MIPOL1: variants seen among roughly 807,000 people sequenced by gnomAD.
The protein encoded by MIPOL1 is mirror-image polydactyly gene 1 protein.
Under a neutral mutation model 60.9 loss-of-function variants are expected in MIPOL1, and 57 were observed. That is an observed-to-expected ratio of 0.94 (90% CI 0.76 to 1.17). The LOEUF is 1.17. Ranked by LOEUF, MIPOL1 falls within the 50% of genes most tolerant of loss-of-function variation. The pLI is 0.00. For missense variants in MIPOL1, 551 were observed against 511.6 expected (o/e 1.08, Z -0.74); for synonymous variants, 179 against 168.8 (o/e 1.06, Z -0.47).
chr14:37,539,470 T>C (rs1206478127), intron 12 of MIPOL1, among the ~76,000 whole-genome samples: 2 of 151,828 alleles, frequency 1.3e-5, no homozygotes, highest in Admixed American at 1.3e-4. Context: ...AATTCCCAGA[T>C]TGAGAGAGAT....
intron 11 of MIPOL1, among the ~76,000 whole-genome samples, chr14:37,478,030 C>T (rs2094804889): frequency 6.6e-6 from 1 of 152,168 alleles, no homozygotes; most frequent in Admixed American, 6.5e-5. Context: ...ATCTGTAGCT[C>T]AGAAAGTCAT....
At chr14:37,304,381 A>G (rs904090649) in intron 7 of MIPOL1, among the ~76,000 whole-genome samples, 3 of 151,740 alleles carry the variant, frequency 2.0e-5, no homozygotes. Context: ...AAAGGATTCA[A>G]GTTAAAATTA....
intron 11 of MIPOL1, among the ~76,000 whole-genome samples, chr14:37,476,024 C>G (rs1594583885): frequency 1.3e-5 from 2 of 152,156 alleles, no homozygotes. Flanking sequence ...GGCATCTTAA[C>G]AATACTGAGT....
In MIPOL1 at chr14:37,547,176, A is replaced by C; in HGVS notation, c.*205A>C. The C allele has an allele frequency of 5.7e-6, 3 of 524,588 alleles. No individual in the cohort carries two copies. Among genetic ancestry groups the C allele is most frequent in the Non-Finnish European group, 6.8e-6 (2 of 295,596 alleles). The allele number at this position is 524,588 out of a possible 1,614,324, so 32.5% of individuals were successfully genotyped here. Reference sequence around the variant, plus strand: ...TTGAGTTATTTATCCAAATATATTAACTATAGACTTTTACCAATGGGTAGC... The same window carrying C: ...TTGAGTTATTTATCCAAATATATTACCTATAGACTTTTACCAATGGGTAGC... On this transcript the variant is annotated 3_prime_UTR_variant, in exon 13 of 13. Coordinates refer to ENST00000684589, the MANE Select transcript of MIPOL1 (RefSeq NM_001388067.1).
intron 9 of MIPOL1, among the ~76,000 whole-genome samples, chr14:37,368,459 G>C (rs561027947): frequency 1.3e-5 from 2 of 152,114 alleles, no homozygotes; most frequent in African/African-American, 4.8e-5. Flanking sequence ...TGATAGCTGC[G>C]TCATGATTGT....
At chr14:37,269,458 G>A (rs1039764611) in intron 5 of MIPOL1, among the ~76,000 whole-genome samples, 6 of 151,822 alleles carry the variant, frequency 4.0e-5, no homozygotes, top group Admixed American at 3.9e-4. Flanking sequence ...ACTGAAGCAT[G>A]ATGTTAGGAA....
At chr14:37,299,442 T>TA (rs544339037) in intron 7 of MIPOL1, among the ~76,000 whole-genome samples, 9 of 123,606 alleles carry the variant, frequency 7.3e-5, no homozygotes, top group African/African-American at 1.8e-4. Context: ...AGTATAATAA[T>TA]AAAAAAAAAT....
chr14:37,444,631 C>G (rs937403856), intron 11 of MIPOL1, among the ~76,000 whole-genome samples: 4 of 152,118 alleles, frequency 2.6e-5, no homozygotes, highest in African/African-American at 9.7e-5. Context: ...TGTAAAGTCA[C>G]AGATATCAAG....
At chr14:37,422,819 G>T (rs1370481322) in intron 10 of MIPOL1, 36 bp from the exon 11 acceptor site, 1 of 1,376,602 alleles carries the variant, frequency 7.3e-7, no homozygotes, top group South Asian at 1.2e-5. Flanking sequence ...ATACCAAAAT[G>T]AATACTGAAT....
In MIPOL1 at chr14:37,345,095, A is replaced by T. The variant is rs116532508; in HGVS notation, c.829-24422A>T. Among the ~76,000 whole-genome samples the T allele has an allele frequency of 4.7e-3, 717 of 151,544 alleles. 4 individuals are homozygous for T. The highest frequency in any genetic ancestry group is 0.015 in the African/African-American group (634 of 41,354). On this transcript the variant is annotated intron_variant, in intron 9 of 12. Transcript: ENST00000684589. Reference sequence around the variant, plus strand: ...CTCCAACATTAACAATTTGATTTTTAGTTTTTTATTTTATTTTTTTGAGGC... The same window carrying T: ...CTCCAACATTAACAATTTGATTTTTTGTTTTTTATTTTATTTTTTTGAGGC...
chr14:37,394,029 T>G (rs1374063210), intron 10 of MIPOL1, among the ~76,000 whole-genome samples: 1 of 140,126 alleles, frequency 7.1e-6, no homozygotes, highest in Non-Finnish European at 1.5e-5. Flanking sequence ...ATGCCGTTAA[T>G]TCATTCCTTT....
chr14:37,262,472 AAAG>A (rs1382823817), intron 3 of MIPOL1, among the ~76,000 whole-genome samples: 1 of 152,260 alleles, frequency 6.6e-6, no homozygotes, highest in East Asian at 1.9e-4. Flanking sequence ...TATAGGAAGG[AAAG>A]AAGCATTAAA....
In MIPOL1 at chr14:37,500,087, A is replaced by C; in HGVS notation, c.1211A>C (p.Gln404Pro). The C allele has an allele frequency of 6.2e-7, 1 of 1,613,816 alleles. No homozygotes were observed. The highest frequency in any genetic ancestry group is 8.5e-7 in the Non-Finnish European group (1 of 1,179,840). ...ALTERANMELQLQHAREASQV... is the reference protein window; with the variant it reads ...ALTERANMELPLQHAREASQV... Reference sequence around the variant, plus strand: ...ACAGAGCGAGCAAATATGGAATTACAACTTCAACATGCCAGAGAGGCCTCC... The same window carrying C: ...ACAGAGCGAGCAAATATGGAATTACCACTTCAACATGCCAGAGAGGCCTCC... The change falls in exon 12 of 13, where the codon CAA becomes CCA. Residue 404 changes from glutamine (Q) to proline (P), a missense_variant. Physicochemically the swap from Gln to Pro is moderately conservative, Grantham distance 76. Transcript: ENST00000684589.
chr14:37,270,391 A>T, intron 5 of MIPOL1, 29 bp from the exon 6 acceptor site: 1 of 1,223,906 alleles, frequency 8.2e-7, no homozygotes, highest in Non-Finnish European at 1.1e-6. Context: ...GTCAAATAAG[A>T]ATCCATGATT....
chr14:37,497,599 A>G (rs2095151612), intron 11 of MIPOL1, among the ~76,000 whole-genome samples: 1 of 152,208 alleles, frequency 6.6e-6, no homozygotes, highest in African/African-American at 2.4e-5. Flanking sequence ...CGAGCTACTC[A>G]GCAGGCTGAG....
At chr14:37,433,737 G>T (rs1405466812) in intron 11 of MIPOL1, among the ~76,000 whole-genome samples, 2 of 151,976 alleles carry the variant, frequency 1.3e-5, no homozygotes, top group Non-Finnish European at 2.9e-5. Flanking sequence ...TGTATTTTTA[G>T]TAGAGACGGG....
intron 3 of MIPOL1, among the ~76,000 whole-genome samples, chr14:37,250,439 C>T (rs375742519): frequency 6.6e-6 from 1 of 151,980 alleles, no homozygotes; most frequent in Non-Finnish European, 1.5e-5. Context: ...CCCAGCTACT[C>T]GGTAGTCTGA....
At position 37,468,118 on chromosome 14, in the gene MIPOL1, G is replaced by A. The variant is rs2094626195; in HGVS notation, c.1032-31790G>A. On this transcript the variant is annotated intron_variant, in intron 11 of 12. Transcript: ENST00000684589. ...GCTTTGTTTACTGTTGTATCCCCAA[G>A]CATTTTCTATGTGACAATATAGTAT... Among the ~76,000 whole-genome samples the A allele has an allele frequency of 2.0e-5, 3 of 151,070 alleles. No individual in the cohort carries two copies. In the South Asian group the frequency reaches 6.3e-4, roughly 32 times the overall value.
chr14:37,531,397 C>T (rs1056808770), intron 12 of MIPOL1, among the ~76,000 whole-genome samples: 7 of 151,940 alleles, frequency 4.6e-5, no homozygotes, highest in Non-Finnish European at 8.8e-5. Context: ...CTCTGTATTA[C>T]CTGCACTGAA....
Sources: gnomAD v4.1 joint callset for allele counts (sites outside exome capture counted in the v4.1 genomes callset) on GRCh38, gnomAD v4.1.1 for gene constraint, MANE v1.5 for transcripts, NCBI Gene and HGNC (gene_info 2026-07-23, HGNC 2026-07-21) for gene names.